The following EDIL3 variants were observed in gnomAD, a reference collection of about 807,000 sequenced individuals.
EDIL3 encodes the protein EGF like and discoidin domains 3.
A neutral mutation model predicts 67.4 loss-of-function variants in EDIL3; 37 were observed. The ratio of observed to expected loss-of-function variants is 0.55; its 90% confidence interval spans 0.42 to 0.72. The LOEUF is 0.72. Ranked by LOEUF, EDIL3 falls within the 30% of genes least tolerant of loss-of-function variation. EDIL3 has a pLI of 0.00. For missense variants in EDIL3, 527 were observed against 586.3 expected, an observed-to-expected ratio of 0.90 and a Z score of 1.04; for synonymous variants, 195 against 196.3, an observed-to-expected ratio of 0.99 and a Z score of 0.05.
intron 1 of EDIL3, among the ~76,000 whole-genome samples, chr5:84,337,370 G>A (rs568631926): frequency 6.6e-6 from 1 of 152,266 alleles, no homozygotes; most frequent in Admixed American, 6.5e-5. Flanking sequence ...AGCGTGAAGA[G>A]AGGGAGTGGG....
At chr5:84,271,904 T>C (rs1411199948) in intron 1 of EDIL3, among the ~76,000 whole-genome samples, 1 of 152,228 alleles carries the variant, frequency 6.6e-6, no homozygotes, top group East Asian at 1.9e-4. Flanking sequence ...GATTCCATTT[T>C]GGATACTTAG....
At chr5:83,977,986 C>T (rs1337967200) in intron 9 of EDIL3, among the ~76,000 whole-genome samples, 1 of 151,752 alleles carries the variant, frequency 6.6e-6, no homozygotes, top group African/African-American at 2.4e-5. Flanking sequence ...GTTCCAACAA[C>T]CTCTTGTCTT....
intron 9 of EDIL3, among the ~76,000 whole-genome samples, chr5:84,019,439 T>C (rs1482262441): frequency 6.6e-6 from 1 of 151,996 alleles, no homozygotes; most frequent in Non-Finnish European, 1.5e-5. Flanking sequence ...ATATATCTAA[T>C]GCTAAATGAC....
chr5:83,944,515 TG>T (rs1391385740), intron 10 of EDIL3, among the ~76,000 whole-genome samples: 2 of 150,710 alleles, frequency 1.3e-5, no homozygotes, highest in East Asian at 2.0e-4. Context: ...TTTAAAACAC[TG>T]GGTCCCTGAT....
At chr5:84,006,178 A>C (rs1745412237) in intron 9 of EDIL3, among the ~76,000 whole-genome samples, 1 of 151,746 alleles carries the variant, frequency 6.6e-6, no homozygotes, top group Non-Finnish European at 1.5e-5. Context: ...CTATTGAAGG[A>C]AGTCAGACAT....
At chr5:84,040,413 A>T (rs1746099045) in intron 9 of EDIL3, among the ~76,000 whole-genome samples, 1 of 151,850 alleles carries the variant, frequency 6.6e-6, no homozygotes, top group African/African-American at 2.4e-5. Flanking sequence ...CATTGTTCAG[A>T]ATATCTGTTA....
intron 3 of EDIL3, among the ~76,000 whole-genome samples, chr5:84,185,568 G>A (rs1035255360): frequency 1.3e-5 from 2 of 152,110 alleles, no homozygotes; most frequent in Non-Finnish European, 2.9e-5. Context: ...TGGCAATAAT[G>A]AGTTCTAAAA....
chr5:84,153,420 A>T (rs1748433619), intron 4 of EDIL3, among the ~76,000 whole-genome samples: 1 of 151,754 alleles, frequency 6.6e-6, no homozygotes, highest in South Asian at 2.1e-4. Flanking sequence ...TCTCCTCCTG[A>T]GTAGCTGGGA....
At chr5:84,028,115 C>T (rs558533018) in intron 9 of EDIL3, among the ~76,000 whole-genome samples, 2 of 152,238 alleles carry the variant, frequency 1.3e-5, no homozygotes, top group Non-Finnish European at 2.9e-5. Context: ...TAATCGGCCT[C>T]ATACACTACT....
intron 1 of EDIL3, among the ~76,000 whole-genome samples, chr5:84,303,810 G>C (rs978946): frequency 0.087 from 4,186 of 47,884 alleles, 63 homozygotes; most frequent in African/African-American, 0.11. Flanking sequence ...CTCTCTCTCT[G>C]TGTGTGTGTG....
intron 10 of EDIL3, among the ~76,000 whole-genome samples, chr5:83,950,703 TA>T (rs1284555568): frequency 1.3e-5 from 2 of 151,860 alleles, no homozygotes; most frequent in Admixed American, 6.6e-5. Flanking sequence ...GGCATAAACC[TA>T]ATAAGCATAT....
In EDIL3 at chr5:83,994,251, A is replaced by G. The variant is rs1002693239; in HGVS notation, c.1138-30891T>C. On this transcript the variant is annotated intron_variant, in intron 9 of 10. Transcript: ENST00000296591. The stretch of plus-strand genomic sequence containing the variant: ...ACTATACTCTGTTTCAATAATTACT[A>G]TATGTTATTCCTCTATCCTCAGTAG... Among the ~76,000 whole-genome samples, 3 of 152,282 alleles carry G rather than the reference A, an allele frequency of 2.0e-5. No homozygotes were observed. The East Asian group carries it at 5.8e-4, about 29-fold the overall frequency.
intron 9 of EDIL3, among the ~76,000 whole-genome samples, chr5:84,009,846 C>T (rs1171524138): frequency 6.6e-6 from 1 of 152,138 alleles, no homozygotes; most frequent in Non-Finnish European, 1.5e-5. Flanking sequence ...TCATCATATA[C>T]TACGCACAAT....
chr5:84,046,740 G>C (rs1746230676), intron 9 of EDIL3, among the ~76,000 whole-genome samples: 1 of 152,078 alleles, frequency 6.6e-6, no homozygotes, highest in African/African-American at 2.4e-5. Flanking sequence ...ATGCTTTGTT[G>C]CTACAAAGAT....
chr5:84,096,826 C>T (rs1747273143), intron 6 of EDIL3, among the ~76,000 whole-genome samples: 1 of 152,068 alleles, frequency 6.6e-6, no homozygotes, highest in African/African-American at 2.4e-5. Context: ...TGGGAGGGAC[C>T]CAGTGAAAGA....
At chr5:84,050,182 A>G (rs1746305341) in intron 9 of EDIL3, among the ~76,000 whole-genome samples, 1 of 132,118 alleles carries the variant, frequency 7.6e-6, no homozygotes, top group South Asian at 2.6e-4. Flanking sequence ...TGGGCGACAG[A>G]GCGAAACTCC....
At chr5:83,984,951 C>CCACACA (rs6149090) in intron 9 of EDIL3, among the ~76,000 whole-genome samples, 3 of 149,752 alleles carry the variant, frequency 2.0e-5, no homozygotes, top group African/African-American at 4.9e-5. Context: ...CAAACATACA[C>CCACACA]CACACACACA....
At chr5:84,000,920 A>C (rs1443515936) in intron 9 of EDIL3, among the ~76,000 whole-genome samples, 1 of 151,888 alleles carries the variant, frequency 6.6e-6, no homozygotes, top group African/African-American at 2.4e-5. Context: ...AAAATTTAAA[A>C]ATTTTTTGAA....
chr5:84,293,013 C>T (rs1745955812), intron 1 of EDIL3, among the ~76,000 whole-genome samples: 1 of 152,144 alleles, frequency 6.6e-6, no homozygotes, highest in African/African-American at 2.4e-5. Context: ...TAAGGTTATA[C>T]CTCCATCCCC....
Sources: allele counts gnomAD v4.1 joint callset (sites outside exome capture counted in the v4.1 genomes callset), GRCh38; gene constraint gnomAD v4.1.1; transcripts MANE v1.5; gene names NCBI Gene and HGNC (gene_info 2026-07-23, HGNC 2026-07-21).